The following CXCL13 variants were observed in gnomAD, a reference collection of about 807,000 sequenced individuals.
The protein encoded by CXCL13 is C-X-C motif chemokine 13.
A neutral mutation model predicts 12.2 loss-of-function variants in CXCL13; 7 were observed. The ratio of observed to expected loss-of-function variants is 0.57; its 90% CI spans 0.33 to 1.07. The LOEUF is 1.07. CXCL13 is among the 50% of genes least tolerant of loss of function. The pLI is 0.04. For missense variants in CXCL13, 113 were observed against 127.4 expected, an observed-to-expected ratio of 0.89 and a Z score of 0.55; for synonymous variants, 47 against 42.4, an observed-to-expected ratio of 1.11 and a Z score of -0.42.
chr4:77,593,881 G>T (rs1033721951), intron 1 of CXCL13, among the ~76,000 whole-genome samples: 1 of 152,212 alleles, frequency 6.6e-6, no homozygotes, highest in Non-Finnish European at 1.5e-5. Context: ...TAGCTTGAAA[G>T]TGAAAAGACA....
chr4:77,512,674 A>T (rs1724304253), intron 1 of CXCL13, among the ~76,000 whole-genome samples: 1 of 152,160 alleles, frequency 6.6e-6, no homozygotes, highest in South Asian at 2.1e-4. Context: ...CCCTGTCTCC[A>T]AATACAGTAT....
intron 1 of CXCL13, among the ~76,000 whole-genome samples, chr4:77,528,909 C>T (rs1018975962): frequency 1.3e-5 from 2 of 152,146 alleles, no homozygotes; most frequent in African/African-American, 4.8e-5. Context: ...TAAATGGTTT[C>T]AGGTCTAACA....
At chr4:77,540,408 T>G (rs972523199) in intron 1 of CXCL13, among the ~76,000 whole-genome samples, 2 of 152,130 alleles carry the variant, frequency 1.3e-5, no homozygotes, top group African/African-American at 4.8e-5. Context: ...AACTGCTGCC[T>G]CCCTGCCTCC....
At chr4:77,590,093 G>A (rs78880635) in intron 1 of CXCL13, among the ~76,000 whole-genome samples, 1 of 152,144 alleles carries the variant, frequency 6.6e-6, no homozygotes, top group Non-Finnish European at 1.5e-5. Context: ...AATATGTAGA[G>A]GAGTTCCAAG....
At chr4:77,576,058 C>A (rs936834422) in intron 1 of CXCL13, among the ~76,000 whole-genome samples, 4 of 151,738 alleles carry the variant, frequency 2.6e-5, no homozygotes, top group Admixed American at 2.6e-4. Context: ...TGATCCTCTG[C>A]AAAAGATGGT....
chr4:77,563,756 C>T (rs1725866278), intron 1 of CXCL13, among the ~76,000 whole-genome samples: 1 of 152,212 alleles, frequency 6.6e-6, no homozygotes, highest in Non-Finnish European at 1.5e-5. Flanking sequence ...ACTTCTTCCT[C>T]ATAGGAATTC....
At chr4:77,544,708 C>G (rs1037074711) in intron 1 of CXCL13, among the ~76,000 whole-genome samples, 7 of 152,204 alleles carry the variant, frequency 4.6e-5, no homozygotes, top group African/African-American at 1.7e-4. Context: ...CCTGTTCACT[C>G]TGATGGTAGT....
In CXCL13 at chr4:77,610,617, C is replaced by G; in HGVS notation, c.201C>G (p.Val67=). The change falls in exon 3 of 4, where the codon GTC becomes GTG. Residue 67 remains valine, a synonymous_variant. Transcript: ENST00000682537. ...TTTAATTTTTATTTTCCCCCAGAGT[C>G]TGGAAGAAGAACAAGTCAATTGTGT... is the stretch of plus-strand genomic sequence containing the variant. ...GNGCPRKEII[V]WKKNKSIVCV... is the part of the protein sequence containing the mutation. 1 of 1,608,292 alleles carries G rather than the reference C, an allele frequency of 6.2e-7. No homozygotes were observed. Among genetic ancestry groups the G allele is most frequent in the Non-Finnish European group, 8.5e-7 (1 of 1,174,800 alleles).
At position 77,598,786 on chromosome 4, in the gene CXCL13, T is replaced by C. The variant is rs1726824614; in HGVS notation, c.-42-7038T>C. 2.0e-5 allele frequency among the ~76,000 whole-genome samples: 3 copies of C among 152,160 alleles called. 1 individual carries two copies. In the South Asian group the frequency reaches 6.2e-4, roughly 32 times the overall value. On this transcript the variant is annotated intron_variant, in intron 1 of 4. Transcript: ENST00000286758. ...CAACTCTAAGCTTTGAAAATATTCA[T>C]GTCCCATTTTTGGCCTAGCCCCAAC...
intron 2 of CXCL13, among the ~76,000 whole-genome samples, chr4:77,609,706 G>C (rs1308058111): frequency 6.6e-6 from 1 of 152,178 alleles, no homozygotes. Flanking sequence ...GTTTTCTGCT[G>C]TCTGGCAGAC....
intron 1 of CXCL13, among the ~76,000 whole-genome samples, chr4:77,564,460 T>C (rs752327234): frequency 2.8e-4 from 42 of 152,254 alleles, no homozygotes; most frequent in Non-Finnish European, 8.8e-5. Flanking sequence ...GAACTAGCTG[T>C]TCTGCATTAG....
chr4:77,562,062 A>G (rs1242432812), intron 1 of CXCL13, among the ~76,000 whole-genome samples: 3 of 152,030 alleles, frequency 2.0e-5, no homozygotes, highest in Non-Finnish European at 2.9e-5. Flanking sequence ...CTGGCCCACC[A>G]GGGCTGCGCT....
chr4:77,548,703 C>A (rs1476475276), intron 1 of CXCL13, among the ~76,000 whole-genome samples: 1 of 152,204 alleles, frequency 6.6e-6, no homozygotes, highest in African/African-American at 2.4e-5. Flanking sequence ...CTGAGAGATC[C>A]ACTGTTAATC....
chr4:77,562,956 G>T (rs954849236), intron 1 of CXCL13, among the ~76,000 whole-genome samples: 1 of 152,114 alleles, frequency 6.6e-6, no homozygotes, highest in Non-Finnish European at 1.5e-5. Context: ...GCCAGCAGTG[G>T]CAACCCCCAT....
At chr4:77,519,929 A>C (rs1319795467) in intron 1 of CXCL13, among the ~76,000 whole-genome samples, 1 of 152,222 alleles carries the variant, frequency 6.6e-6, no homozygotes, top group Admixed American at 6.5e-5. Flanking sequence ...AGCTTTCTAC[A>C]TATGGCTAGC....
At chr4:77,607,145 G>T (rs1727017904) in intron 1 of CXCL13, among the ~76,000 whole-genome samples, 2 of 152,152 alleles carry the variant, frequency 1.3e-5, no homozygotes, top group African/African-American at 4.8e-5. Flanking sequence ...CTTGAGCCAG[G>T]TCATGTCCTC....
intron 1 of CXCL13, among the ~76,000 whole-genome samples, chr4:77,562,057 C>A (rs925934742): frequency 6.6e-6 from 1 of 152,160 alleles, no homozygotes; most frequent in Non-Finnish European, 1.5e-5. Flanking sequence ...CAGTGCTGGC[C>A]CACCAGGGCT....
At chr4:77,518,693 C>T (rs568958940) in intron 1 of CXCL13, among the ~76,000 whole-genome samples, 44 of 152,244 alleles carry the variant, frequency 2.9e-4, no homozygotes, top group African/African-American at 1.1e-3. Flanking sequence ...GTTATACATT[C>T]GTCTAAATTT....
At chr4:77,606,034 G>GAAAA in intron 1 of CXCL13, 105 bp downstream of exon 1, 1 of 634,464 alleles carries the variant, frequency 1.6e-6, no homozygotes, top group Non-Finnish European at 2.7e-6. Flanking sequence ...ACTAAAGGGG[G>GAAAA]AAAAAACTGC....
Sources: gnomAD v4.1 joint callset for allele counts (sites outside exome capture counted in the v4.1 genomes callset) on GRCh38, gnomAD v4.1.1 for gene constraint, MANE v1.5 for transcripts, NCBI Gene and HGNC (gene_info 2026-07-23, HGNC 2026-07-21) for gene names.